The following RAB5A variants were observed in gnomAD, a reference collection of about 807,000 sequenced individuals.
RAB5A encodes RAB5A, member RAS oncogene family, also known as ras-related protein Rab-5A.
In RAB5A, 8 loss-of-function variants were observed where a neutral mutation model predicts 25.7. The observed-to-expected ratio is 0.31, with a 90% CI of 0.18 to 0.56. The LOEUF (loss-of-function observed/expected upper bound fraction) is 0.56, where lower values mean the gene tolerates loss of function less well. RAB5A is among the 20% of genes least tolerant of loss of function. The pLI is 0.91. For missense variants in RAB5A, 192 were observed against 259.7 expected (o/e 0.74, Z 1.79); for synonymous variants, 98 against 89.8 (o/e 1.09, Z -0.52).
At chr3:19,954,781 A>G (rs1218573905) in intron 2 of RAB5A, among the ~76,000 whole-genome samples, 2 of 152,090 alleles carry the variant, frequency 1.3e-5, no homozygotes, top group Non-Finnish European at 2.9e-5. Flanking sequence ...CTGCACCACC[A>G]CACTCCAGCC....
intron 4 of RAB5A, among the ~76,000 whole-genome samples, chr3:19,977,754 G>T (rs546805194): frequency 7.9e-5 from 12 of 152,058 alleles, no homozygotes; most frequent in Non-Finnish European, 1.6e-4. Flanking sequence ...ACAGCTATGA[G>T]GATCAAAAGT....
chr3:19,970,964 A>G (rs1696740569), intron 2 of RAB5A, among the ~76,000 whole-genome samples: 1 of 152,174 alleles, frequency 6.6e-6, no homozygotes, highest in Non-Finnish European at 1.5e-5. Flanking sequence ...TGGGAGGCCA[A>G]GGCGGATGGA....
At chr3:19,963,547 G>A (rs1026662336) in intron 2 of RAB5A, among the ~76,000 whole-genome samples, 7 of 152,078 alleles carry the variant, frequency 4.6e-5, no homozygotes, top group Admixed American at 2.0e-4. Flanking sequence ...TATATCCTAG[G>A]ATTACAGGTT....
intron 1 of RAB5A, among the ~76,000 whole-genome samples, chr3:19,949,478 C>T (rs953804733): frequency 3.3e-5 from 5 of 152,000 alleles, no homozygotes; most frequent in African/African-American, 1.2e-4. Context: ...TGGGATTTAC[C>T]GGTATAAGCC....
At chr3:19,983,279 T>C (rs1451721022) in intron 5 of RAB5A, among the ~76,000 whole-genome samples, 1 of 138,402 alleles carries the variant, frequency 7.2e-6, no homozygotes, top group Non-Finnish European at 1.5e-5. Context: ...GAGGTTGCAG[T>C]GAACTGAGAT....
chr3:19,961,416 ATAGT>A (rs145904800), intron 2 of RAB5A, among the ~76,000 whole-genome samples: 3,992 of 152,272 alleles, frequency 0.026, 159 homozygotes, highest in African/African-American at 0.09. Flanking sequence ...AATTTGGCTC[ATAGT>A]TAGAGTACAC....
intron 2 of RAB5A, among the ~76,000 whole-genome samples, chr3:19,957,968 GTAGTAGAAAGCTTTC>G (rs1696529486): frequency 6.6e-6 from 1 of 152,118 alleles, no homozygotes; most frequent in Non-Finnish European, 1.5e-5. Context: ...TGTTTTTCCA[GTAGTAGAAAGCTTTC>G]TACAATTGCC....
intron 1 of RAB5A, among the ~76,000 whole-genome samples, chr3:19,948,693 A>G (rs540463677): frequency 3.0e-4 from 46 of 152,218 alleles, no homozygotes; most frequent in African/African-American, 1.1e-3. Flanking sequence ...AGTAGCCACA[A>G]TTAAGTAGCT....
At chr3:19,975,252 G>A (rs1226241737) in intron 2 of RAB5A, among the ~76,000 whole-genome samples, 2 of 151,238 alleles carry the variant, frequency 1.3e-5, no homozygotes, top group Non-Finnish European at 2.9e-5. Context: ...AAGAAATGTA[G>A]TCTTAAGTTT....
chr3:19,969,032 TTTTTTTTTTTTG>T (rs1559490076), intron 2 of RAB5A, among the ~76,000 whole-genome samples: 15 of 89,616 alleles, frequency 1.7e-4, no homozygotes, highest in South Asian at 6.3e-4. Flanking sequence ...TTGGTTTTGG[TTTTTTTTTTTTG>T]GTTTTTTTTT....
At chr3:19,959,692 A>C (rs1185603116) in intron 2 of RAB5A, among the ~76,000 whole-genome samples, 1 of 142,950 alleles carries the variant, frequency 7.0e-6, no homozygotes, top group Non-Finnish European at 1.5e-5. Context: ...CAATGATGTG[A>C]TCATGGCTCT....
intron 5 of RAB5A, among the ~76,000 whole-genome samples, chr3:19,981,435 G>GAA (rs554861426): frequency 2.8e-4 from 42 of 152,096 alleles, no homozygotes; most frequent in African/African-American, 1.0e-3. Flanking sequence ...CCAACATGTC[G>GAA]AAACCCCGTC....
intron 5 of RAB5A, chr3:19,979,857 G>A (rs7616726): frequency 6.6e-6 from 1 of 152,064 alleles, no homozygotes; most frequent in Admixed American, 6.6e-5. Context: ...TTACAGCACT[G>A]ATTCTTAACT....
intron 2 of RAB5A, among the ~76,000 whole-genome samples, chr3:19,957,809 G>A (rs1208736777): frequency 6.6e-6 from 1 of 151,472 alleles, no homozygotes; most frequent in African/African-American, 2.4e-5. Context: ...ATGTGTACAT[G>A]TATCAAAACA....
rs752814672 is a variant in RAB5A at position 19,976,064 on chromosome 3, A to C, written c.333A>C (p.Ala111=). The change falls in exon 4 of 6, where the codon GCA becomes GCC. Residue 111 remains alanine (A), a synonymous_variant. Coordinates refer to ENST00000273047, the MANE Select transcript of RAB5A (RefSeq NM_004162.5). The part of the protein sequence containing the change: ...DITNEESFAR[A]KNWVKELQRQ... ...TTTAACAGGAGTCCTTTGCAAGAGC[A>C]AAAAATTGGGTTAAAGAACTTCAGA... 1.5e-5 allele frequency: 24 copies of C among 1,611,290 alleles called. No homozygotes were observed. In the South Asian group the frequency reaches 2.4e-4, roughly 16 times the overall value.
intron 2 of RAB5A, among the ~76,000 whole-genome samples, chr3:19,954,982 G>C (rs1696478655): frequency 6.6e-6 from 1 of 152,178 alleles, no homozygotes; most frequent in South Asian, 2.1e-4. Context: ...TCTATTGTTG[G>C]TCTAAAGTTA....
chr3:19,969,396 T>C (rs1429383104), intron 2 of RAB5A, among the ~76,000 whole-genome samples: 1 of 152,224 alleles, frequency 6.6e-6, no homozygotes, highest in African/African-American at 2.4e-5. Flanking sequence ...GTTTTGACTA[T>C]GTGGATGATT....
At chr3:19,962,438 C>T (rs1287986505) in intron 2 of RAB5A, among the ~76,000 whole-genome samples, 3 of 127,442 alleles carry the variant, frequency 2.4e-5, no homozygotes, top group Admixed American at 7.8e-5. Context: ...CATGGTGGCG[C>T]GTGCCTGTAG....
At chr3:19,951,565 G>A (rs1047771401) in intron 2 of RAB5A, among the ~76,000 whole-genome samples, 5 of 151,958 alleles carry the variant, frequency 3.3e-5, no homozygotes, top group African/African-American at 1.2e-4. Context: ...TCTTGCTGTC[G>A]CCTAGGCTGG....
Sources: allele counts gnomAD v4.1 joint callset (sites outside exome capture counted in the v4.1 genomes callset), GRCh38; gene constraint gnomAD v4.1.1; transcripts MANE v1.5; gene names NCBI Gene and HGNC (gene_info 2026-07-23, HGNC 2026-07-21).